The following HP1BP3 variants were observed in gnomAD, a reference collection of about 807,000 sequenced individuals.
HP1BP3 encodes heterochromatin protein 1-binding protein 3.
Under a neutral mutation model 62.5 loss-of-function variants are expected in HP1BP3, and 12 were observed. The ratio of observed to expected loss-of-function variants is 0.19; its 90% CI spans 0.12 to 0.31. The LOEUF (loss-of-function observed/expected upper bound fraction) is 0.31. HP1BP3 is among the 10% of genes least tolerant of loss of function. The pLI is 1.00. For synonymous variants in HP1BP3, 260 were observed against 237.8 expected (o/e 1.09, Z -0.86); for missense variants, 502 against 651.8 (o/e 0.77, Z 2.50).
chr1:20,758,546 C>G (rs942580525), intron 8 of HP1BP3, among the ~76,000 whole-genome samples: 6 of 152,086 alleles, frequency 3.9e-5, no homozygotes, highest in Non-Finnish European at 7.4e-5. Context: ...CGGGGTTTCA[C>G]TGTGTTAGCA....
At chr1:20,773,017 T>C (rs891312234) in intron 5 of HP1BP3, among the ~76,000 whole-genome samples, 1 of 152,170 alleles carries the variant, frequency 6.6e-6, no homozygotes, top group African/African-American at 2.4e-5. Context: ...GAGATATTTT[T>C]TAAACAAAAA....
chr1:20,767,010 G>T (rs1393799042), intron 7 of HP1BP3, among the ~76,000 whole-genome samples: 1 of 151,920 alleles, frequency 6.6e-6, no homozygotes, highest in African/African-American at 2.4e-5. Flanking sequence ...TAGTTTAAAA[G>T]ATATTTCACA....
intron 2 of HP1BP3, 71 bp downstream of exon 2, chr1:20,780,274 A>C: frequency 9.2e-7 from 1 of 1,090,200 alleles, no homozygotes; most frequent in South Asian, 1.3e-5. Flanking sequence ...ACATGTACCA[A>C]GAAGGACCCA....
Position 20,744,649 on chromosome 1 carries a change from A to T in HP1BP3, c.*148T>A. The T allele has an allele frequency of 1.4e-6, 1 of 725,274 alleles. No homozygotes were observed. Among genetic ancestry groups the T allele is most frequent in the Non-Finnish European group, 2.2e-6 (1 of 451,716 alleles). The allele number at this position is 725,274 out of a possible 1,614,324, so 44.9% of individuals were successfully genotyped here. ...AAGCACCTAAAGCTAGCAAATGCCTAAACTGGTTTATTTAGAGTCCCTCCC... is the reference window on the plus strand; with the variant it reads ...AAGCACCTAAAGCTAGCAAATGCCTTAACTGGTTTATTTAGAGTCCCTCCC... On this transcript the variant is annotated 3_prime_UTR_variant, in exon 13 of 13. Transcript: ENST00000438032.
rs202030372 is a variant in HP1BP3 at position 20,769,872 on chromosome 1, A to G, written c.654+1058T>C. Among the ~76,000 whole-genome samples the G allele has an allele frequency of 1.1e-4, 17 of 152,350 alleles. 1 individual carries two copies. In the East Asian group the frequency reaches 3.3e-3, roughly 29 times the overall value. Reference sequence around the variant, plus strand: ...ATTAAGTACTAGTTGGAAGTCCCTAAGCAGAGCTGAAATGCCTGAGTGGCA... The same window carrying G: ...ATTAAGTACTAGTTGGAAGTCCCTAGGCAGAGCTGAAATGCCTGAGTGGCA... On this transcript the variant is annotated intron_variant, in intron 6 of 12. Coordinates refer to ENST00000438032, the MANE Select transcript of HP1BP3 (RefSeq NM_001372052.1).
intron 8 of HP1BP3, 132 bp from the exon 9 acceptor site, chr1:20,757,388 T>G: frequency 2.6e-6 from 1 of 379,132 alleles, no homozygotes; most frequent in Admixed American, 4.9e-5. Flanking sequence ...TTTTTTTTTT[T>G]GAGGTGGAGT....
intron 10 of HP1BP3, among the ~76,000 whole-genome samples, chr1:20,748,254 T>G (rs1164274917): frequency 6.6e-6 from 1 of 152,242 alleles, no homozygotes; most frequent in Non-Finnish European, 1.5e-5. Flanking sequence ...CTTATAAAGA[T>G]GAACAGAACT....
At chr1:20,748,032 A>C (rs2055450275) in intron 10 of HP1BP3, among the ~76,000 whole-genome samples, 1 of 152,146 alleles carries the variant, frequency 6.6e-6, no homozygotes, top group Admixed American at 6.5e-5. Context: ...TATAATGAAA[A>C]GACACATTAG....
intron 1 of HP1BP3, among the ~76,000 whole-genome samples, 160 bp from the exon 2 acceptor site, chr1:20,780,700 T>C (rs1202326540): frequency 6.6e-5 from 10 of 152,160 alleles, no homozygotes; most frequent in African/African-American, 1.2e-4. Context: ...TACCAAAATA[T>C]AGACTACATA....
chr1:20,784,536 T>C (rs2057728711), intron 1 of HP1BP3, among the ~76,000 whole-genome samples: 1 of 142,690 alleles, frequency 7.0e-6, no homozygotes, highest in Non-Finnish European at 1.5e-5. Context: ...TGGAGTGCGG[T>C]GGCGCGATCT....
chr1:20,746,577 A>C (rs1298574890), intron 11 of HP1BP3, among the ~76,000 whole-genome samples: 1 of 152,218 alleles, frequency 6.6e-6, no homozygotes, highest in Non-Finnish European at 1.5e-5. Context: ...TGCATGAAAC[A>C]ATGCTTGGAC....
chr1:20,772,788 CT>C (rs1236335799), intron 5 of HP1BP3, among the ~76,000 whole-genome samples: 6 of 152,032 alleles, frequency 3.9e-5, no homozygotes, highest in Non-Finnish European at 8.8e-5. Flanking sequence ...AATGAAAAGA[CT>C]TATACAATAA....
intron 1 of HP1BP3, among the ~76,000 whole-genome samples, chr1:20,781,348 C>T (rs1413075522): frequency 6.6e-6 from 1 of 152,118 alleles, no homozygotes; most frequent in African/African-American, 2.4e-5. Context: ...GACAGTCATG[C>T]AACTTCTACA....
At chr1:20,762,689 CTGATT>C (rs747276929) in intron 8 of HP1BP3, among the ~76,000 whole-genome samples, 21 of 152,224 alleles carry the variant, frequency 1.4e-4, no homozygotes, top group South Asian at 4.1e-4. Context: ...AGCCCCCTCC[CTGATT>C]TGAGTTGTCC....
chr1:20,756,386 T>A lies in HP1BP3; in HGVS notation c.981+780A>T, dbSNP rs372277263. Among the ~76,000 whole-genome samples, 23 of 152,156 alleles carry A rather than the reference T, an allele frequency of 1.5e-4. No individual in the cohort carries two copies. The East Asian group carries it at 3.9e-3, about 26-fold the overall frequency. ...AAGATGTTTGCAAAAATGTAAACAG[T>A]GCCTGACGACTTCTCATTAAAAAAA... On this transcript the variant is annotated intron_variant, in intron 9 of 12. Transcript: ENST00000438032.
intron 4 of HP1BP3, 39 bp from the exon 5 acceptor site, chr1:20,773,649 T>C: frequency 1.4e-6 from 2 of 1,399,368 alleles, no homozygotes; most frequent in East Asian, 2.5e-5. Flanking sequence ...AGATAAGCTC[T>C]CTAGAAAGAC....
intron 1 of HP1BP3, among the ~76,000 whole-genome samples, chr1:20,784,877 C>T (rs1173279837): frequency 1.3e-5 from 2 of 152,184 alleles, no homozygotes; most frequent in African/African-American, 4.8e-5. Flanking sequence ...CTTGCTTAAA[C>T]TTAATGTTAC....
At chr1:20,767,972 A>T (rs2056868993) in intron 6 of HP1BP3, among the ~76,000 whole-genome samples, 1 of 152,146 alleles carries the variant, frequency 6.6e-6, no homozygotes, top group Non-Finnish European at 1.5e-5. Flanking sequence ...TTTCAAAATG[A>T]AATAAAAAAT....
intron 3 of HP1BP3, among the ~76,000 whole-genome samples, chr1:20,778,769 T>A (rs1317873686): frequency 6.6e-6 from 1 of 152,024 alleles, no homozygotes; most frequent in Admixed American, 6.6e-5. Flanking sequence ...CAAGGATGCA[T>A]GTATTTTCTA....
Sources: allele counts gnomAD v4.1 joint callset (sites outside exome capture counted in the v4.1 genomes callset), GRCh38; gene constraint gnomAD v4.1.1; transcripts MANE v1.5; gene names NCBI Gene and HGNC (gene_info 2026-07-23, HGNC 2026-07-21).